Variants in VSTM4 observed in about 807,000 individuals in gnomAD.
VSTM4 encodes V-set and transmembrane domain-containing protein 4.
VSTM4 carries 20 observed loss-of-function variants against 36.4 expected under a neutral mutation model. The ratio of observed to expected loss-of-function variants is 0.55; its 90% CI spans 0.39 to 0.80. The LOEUF (loss-of-function observed/expected upper bound fraction) is 0.80. Ranked by LOEUF, VSTM4 falls within the 30% of genes least tolerant of loss-of-function variation. The pLI is 0.00. For synonymous variants in VSTM4, 182 were observed against 173.9 expected, an observed-to-expected ratio of 1.05 and a Z score of -0.37; for missense variants, 392 against 404.5, an observed-to-expected ratio of 0.97 and a Z score of 0.26.
intron 7 of VSTM4, among the ~76,000 whole-genome samples, chr10:49,037,337 C>G (rs925812414): frequency 2.6e-5 from 4 of 152,210 alleles, no homozygotes; most frequent in African/African-American, 9.7e-5. Flanking sequence ...TCATCTGGGA[C>G]CTCGTTAATT....
chr10:49,105,088 A>G (rs1042438820), intron 2 of VSTM4, among the ~76,000 whole-genome samples: 7 of 151,294 alleles, frequency 4.6e-5, no homozygotes, highest in African/African-American at 1.7e-4. Context: ...ACAGAGAGAG[A>G]CAGACACAGA....
intron 5 of VSTM4, among the ~76,000 whole-genome samples, chr10:49,061,857 A>G (rs1476851435): frequency 6.6e-6 from 1 of 152,192 alleles, no homozygotes; most frequent in Non-Finnish European, 1.5e-5. Context: ...TGATGTATTT[A>G]GATCATTTAC....
chr10:49,032,081 C>T (rs917170574), intron 7 of VSTM4, among the ~76,000 whole-genome samples: 1 of 152,040 alleles, frequency 6.6e-6, no homozygotes, highest in Non-Finnish European at 1.5e-5. Flanking sequence ...CTACTGCTCT[C>T]AGAGCACATA....
rs1437885578 is a variant in VSTM4 at position 49,016,700 on chromosome 10, C to T, written c.*2950G>A. The T allele has an allele frequency of 6.6e-6, 1 of 152,216 alleles. No individual in the cohort carries two copies. The highest frequency in any genetic ancestry group is 1.5e-5 in the Non-Finnish European group (1 of 68,032). 9.4% of individuals were successfully genotyped at this position (152,216 alleles called of 1,614,324 possible). A position where few individuals can be genotyped will look rare whatever the true frequency, so the allele number is the denominator to read the frequency against. On this transcript the variant is annotated 3_prime_UTR_variant, in exon 8 of 8. Transcript: ENST00000332853. ...CTCACAAGAGTCAAGAGGTGGGAGG[C>T]CTGGCTTTTCCTTATTTTCCCTGTG... is the stretch of plus-strand genomic sequence containing the variant.
chr10:49,037,310 T>A (rs1843446165), intron 7 of VSTM4, among the ~76,000 whole-genome samples: 1 of 152,198 alleles, frequency 6.6e-6, no homozygotes, highest in Admixed American at 6.5e-5. Context: ...CTTCTCAAAC[T>A]TTACTGTTTA....
intron 5 of VSTM4, among the ~76,000 whole-genome samples, chr10:49,062,611 T>C (rs559539765): frequency 1.3e-5 from 2 of 152,366 alleles, no homozygotes; most frequent in African/African-American, 4.8e-5. Context: ...TGGCATTCAC[T>C]CAGTTTCTTA....
At position 49,051,448 on chromosome 10, in the gene VSTM4, T is replaced by C. The variant is rs558095875; in HGVS notation, c.669-2864A>G. Among the ~76,000 whole-genome samples the C allele has an allele frequency of 1.1e-3, 170 of 148,740 alleles. 1 individual carries two copies. The highest frequency in any genetic ancestry group is 1.7e-3 in the Non-Finnish European group (116 of 67,600). ...TCTCTCTTTGTTGCCCAGGCTGGAG[T>C]GCAATGGCACGATGTCAGCTCACTG... On this transcript the variant is annotated intron_variant, in intron 5 of 7. Transcript: ENST00000332853.
intron 2 of VSTM4, chr10:49,102,570 A>G: frequency 1.0e-6 from 1 of 985,474 alleles, no homozygotes; most frequent in Non-Finnish European, 1.2e-6. Context: ...AGAGCACTCC[A>G]TGGGCTGGCA....
chr10:49,021,038 A>C lies in VSTM4; in HGVS notation c.838-1263T>G, dbSNP rs544931956. On this transcript the variant is annotated intron_variant, in intron 7 of 7. Transcript: ENST00000332853. ...ACAATTAAAAACACATTTTTGTTTA[A>C]AACAATTTTTGAATGAAGTAGGTGT... is the stretch of plus-strand genomic sequence containing the variant. 2.1e-3 allele frequency among the ~76,000 whole-genome samples: 313 copies of C among 152,266 alleles called. 4 individuals are homozygous for C. The highest frequency in any genetic ancestry group is 7.3e-3 in the African/African-American group (305 of 41,564).
At chr10:49,086,666 G>C (rs886705922) in intron 2 of VSTM4, among the ~76,000 whole-genome samples, 1 of 152,150 alleles carries the variant, frequency 6.6e-6, no homozygotes, top group African/African-American at 2.4e-5. Context: ...CATCATCATA[G>C]GTAAAGATCT....
chr10:49,062,011 G>T (rs1397546464), intron 5 of VSTM4, among the ~76,000 whole-genome samples: 1 of 152,084 alleles, frequency 6.6e-6, no homozygotes, highest in Non-Finnish European at 1.5e-5. Flanking sequence ...TGAGTGTATT[G>T]TTTTTGCAAA....
intron 2 of VSTM4, among the ~76,000 whole-genome samples, chr10:49,094,267 G>C (rs1844531533): frequency 6.6e-6 from 1 of 152,160 alleles, no homozygotes; most frequent in African/African-American, 2.4e-5. Context: ...ACAAAATTCT[G>C]GCCTTGGAGT....
At chr10:49,115,375 G>A (rs1844976663) in intron 1 of VSTM4, 56 bp downstream of exon 1, 4 of 991,048 alleles carry the variant, frequency 4.0e-6, no homozygotes, top group Admixed American at 1.2e-4. Flanking sequence ...CGGCCTCCCC[G>A]GCGCGGCCGC....
intron 2 of VSTM4, among the ~76,000 whole-genome samples, chr10:49,105,190 AGAGAGAGG>A (rs1844752032): frequency 7.0e-6 from 1 of 142,424 alleles, no homozygotes; most frequent in Non-Finnish European, 1.5e-5. Context: ...AGAGACAGAG[AGAGAGAGG>A]GAGAGACAGA....
At chr10:49,099,262 C>T (rs1844625947) in intron 2 of VSTM4, among the ~76,000 whole-genome samples, 1 of 152,244 alleles carries the variant, frequency 6.6e-6, no homozygotes, top group Non-Finnish European at 1.5e-5. Context: ...CTGCTATTAT[C>T]ACTCCGAATC....
intron 5 of VSTM4, among the ~76,000 whole-genome samples, chr10:49,051,390 C>CT (rs796786621): frequency 0.25 from 32,309 of 130,750 alleles, 4,326 homozygotes; most frequent in Non-Finnish European, 0.28. Context: ...CAGCTCATTT[C>CT]TTTTTTTTTT....
rs45489505 is a variant in VSTM4 at position 49,077,294 on chromosome 10, C to T, written c.559G>A (p.Val187Met). ...AAGAGCAGAATGCTGAGGATCCCCA[C>T]GCAGCACACGAGGACAGCATACACA... ...LYVYAVLVCC[V>M]GILSILLFML... Residue 187 changes from valine (V) to methionine (M), a missense_variant, in exon 4 of 8, where the codon GTG becomes ATG. Val to Met is a conservative substitution (Grantham distance 21, BLOSUM62 1). Coordinates refer to ENST00000332853, the MANE Select transcript of VSTM4 (RefSeq NM_001031746.5). 8,294 of 1,614,154 alleles carry T rather than the reference C, an allele frequency of 5.1e-3. 45 individuals are homozygous for T. Among genetic ancestry groups the T allele is most frequent in the Non-Finnish European group, 5.9e-3 (6,979 of 1,180,014 alleles).
Position 49,084,169 on chromosome 10 carries a change from A to G in VSTM4, c.526+1786T>C, listed in dbSNP as rs140843452. Among the ~76,000 whole-genome samples the G allele has an allele frequency of 1.7e-3, 252 of 152,354 alleles. 2 individuals are homozygous for G. Among genetic ancestry groups the G allele is most frequent in the African/African-American group, 5.5e-3 (229 of 41,586 alleles). ...CCTTACTACTGCTTCACTCTATGAG[A>G]AGTAAAGTCATTTTCATTTCTTTGC... On this transcript the variant is annotated intron_variant, in intron 3 of 7. Coordinates refer to ENST00000332853, the MANE Select transcript of VSTM4 (RefSeq NM_001031746.5).
chr10:49,077,173 T>TA lies in VSTM4; in HGVS notation c.634+45_634+46insT, dbSNP rs769827913. 4.4e-6 allele frequency: 7 copies of TA among 1,585,368 alleles called. No individual in the cohort carries two copies. In the South Asian group the frequency reaches 7.8e-5, roughly 18 times the overall value. ...TCTAGCATCTTCCGCCCGTCTGTGG[T>TA]CGGGGTGTGCTCCCATCCCAGACAT... On this transcript the variant is annotated intron_variant, in intron 4 of 7. Coordinates refer to ENST00000332853, the MANE Select transcript of VSTM4 (RefSeq NM_001031746.5).
Sources: gnomAD v4.1 joint callset for allele counts (sites outside exome capture counted in the v4.1 genomes callset) on GRCh38, gnomAD v4.1.1 for gene constraint, MANE v1.5 for transcripts, NCBI Gene and HGNC (gene_info 2026-07-23, HGNC 2026-07-21) for gene names.